Variants in CHRM3 observed in about 807,000 individuals in gnomAD.
The protein encoded by CHRM3 is cholinergic receptor muscarinic 3, also known as muscarinic acetylcholine receptor M3.
Under a neutral mutation model 41.8 loss-of-function variants are expected in CHRM3, and 11 were observed. That is an observed-to-expected ratio of 0.26 (90% CI 0.17 to 0.44). The LOEUF is 0.44. Among genes scored for constraint, CHRM3 ranks in the 20% least tolerant of loss-of-function variants. CHRM3 has a pLI of 1.00. For synonymous variants in CHRM3, 297 were observed against 301.4 expected (o/e 0.99, Z 0.15); for missense variants, 571 against 745.4 (o/e 0.77, Z 2.72).
At chr1:239,675,208 A>G (rs1657868027) in intron 4 of CHRM3, among the ~76,000 whole-genome samples, 1 of 152,216 alleles carries the variant, frequency 6.6e-6, no homozygotes, top group Admixed American at 6.5e-5. Context: ...AATGGGAAGT[A>G]CATTCAGAAT....
At chr1:239,714,200 A>G (rs535148548) in intron 5 of CHRM3, 1 of 152,308 alleles carries the variant, frequency 6.6e-6, no homozygotes, top group Non-Finnish European at 1.5e-5. Context: ...CCAGCATGCC[A>G]TGAGCTCCTG....
At chr1:239,499,962 A>G (rs971373818) in intron 2 of CHRM3, among the ~76,000 whole-genome samples, 1 of 152,192 alleles carries the variant, frequency 6.6e-6, no homozygotes, top group Non-Finnish European at 1.5e-5. Flanking sequence ...TCAAGCCACC[A>G]CTACAAGAAC....
At chr1:239,851,715 G>T (rs892055556) in intron 6 of CHRM3, among the ~76,000 whole-genome samples, 1 of 152,160 alleles carries the variant, frequency 6.6e-6, no homozygotes, top group African/African-American at 2.4e-5. Flanking sequence ...CAGTGGCCTA[G>T]AACTTAGTTT....
intron 5 of CHRM3, among the ~76,000 whole-genome samples, chr1:239,737,237 A>T (rs1261691328): frequency 6.6e-6 from 1 of 152,188 alleles, no homozygotes; most frequent in East Asian, 1.9e-4. Context: ...ATGACCAAAT[A>T]ACTTTTACAA....
chr1:239,571,601 G>A (rs1437091018), intron 3 of CHRM3, among the ~76,000 whole-genome samples: 1 of 152,164 alleles, frequency 6.6e-6, no homozygotes, highest in Non-Finnish European at 1.5e-5. Flanking sequence ...TTTTCTGGGA[G>A]TAACATTCCC....
chr1:239,585,052 AATATATAT>A (rs71567251), intron 3 of CHRM3, among the ~76,000 whole-genome samples: 1 of 144,800 alleles, frequency 6.9e-6, no homozygotes, highest in East Asian at 2.0e-4. Flanking sequence ...GCAACAATTA[AATATATAT>A]ATATATATAT....
At chr1:239,445,624 GTAGGAATGTGGTTAACGA>G (rs2103281493) in intron 1 of CHRM3, among the ~76,000 whole-genome samples, 1 of 152,270 alleles carries the variant, frequency 6.6e-6, no homozygotes, top group Non-Finnish European at 1.5e-5. Context: ...CAGGATTGTT[GTAGGAATGTGGTTAACGA>G]TAGAAAATTT....
intron 3 of CHRM3, among the ~76,000 whole-genome samples, chr1:239,573,029 G>A (rs1417219155): frequency 6.6e-6 from 1 of 151,988 alleles, no homozygotes; most frequent in South Asian, 2.1e-4. Flanking sequence ...GGGGTTCTTG[G>A]GCATTTGGAG....
chr1:239,615,781 C>T (rs902033626), intron 3 of CHRM3, among the ~76,000 whole-genome samples: 2 of 152,274 alleles, frequency 1.3e-5, no homozygotes, highest in Middle Eastern at 3.4e-3. Flanking sequence ...TTCCATGACT[C>T]GGACCCAAAA....
chr1:239,859,727 T>C (rs923046276), intron 6 of CHRM3, among the ~76,000 whole-genome samples: 6 of 151,100 alleles, frequency 4.0e-5, no homozygotes, highest in Non-Finnish European at 7.4e-5. Flanking sequence ...TACTGTTTTT[T>C]AAATAAAGAT....
intron 1 of CHRM3, among the ~76,000 whole-genome samples, chr1:239,473,670 T>G (rs1344707041): frequency 1.3e-5 from 2 of 152,122 alleles, no homozygotes; most frequent in African/African-American, 4.8e-5. Context: ...CTGTGGCGCC[T>G]TATTACTGTG....
At chr1:239,792,012 G>A (rs1669393916) in intron 5 of CHRM3, among the ~76,000 whole-genome samples, 2 of 152,202 alleles carry the variant, frequency 1.3e-5, no homozygotes, top group African/African-American at 4.8e-5. Context: ...CATTGAGAAG[G>A]AGACGCATTT....
intron 5 of CHRM3, among the ~76,000 whole-genome samples, chr1:239,772,922 C>T (rs1345533731): frequency 6.6e-6 from 1 of 152,160 alleles, no homozygotes; most frequent in Non-Finnish European, 1.5e-5. Flanking sequence ...CACTGTCAGA[C>T]TAAGTGTCTT....
At position 239,527,367 on chromosome 1, in the gene CHRM3, TAA is replaced by T. The variant is rs5782083; in HGVS notation, c.-421-18265_-421-18264del. 2.8e-4 allele frequency among the ~76,000 whole-genome samples: 42 copies of T among 151,132 alleles called. 1 individual carries two copies. The East Asian group carries it at 8.0e-3, about 29-fold the overall frequency. ...CATGTTTTATGAAAACTAGATTTCT[TAA>T]AAAAAAAATAATTGAGGCCCTTACA... is the stretch of plus-strand genomic sequence containing the variant. On this transcript the variant is annotated intron_variant, in intron 2 of 6. Transcript: ENST00000676153.
chr1:239,913,326 T>C lies in CHRM3; in HGVS notation c.*4102T>C, dbSNP rs1680466750. 6.0e-6 allele frequency: 1 copy of C among 166,298 alleles called. No individual in the cohort carries two copies. The highest frequency in any genetic ancestry group is 1.5e-5 in the Non-Finnish European group (1 of 68,104). 10.3% of individuals were successfully genotyped at this position (166,298 alleles called of 1,614,324 possible). On this transcript the variant is annotated 3_prime_UTR_variant, in exon 7 of 7. Transcript: ENST00000676153. ...ATTTCTCATAACAGAACTGAAACTG[T>C]ATAGATTACAACACTCCAAAGTTAT...
intron 6 of CHRM3, among the ~76,000 whole-genome samples, chr1:239,905,254 G>C (rs1487780178): frequency 2.0e-5 from 3 of 152,160 alleles, no homozygotes; most frequent in Non-Finnish European, 2.9e-5. Flanking sequence ...CTGGTGGAGA[G>C]GCAGCACAGC....
At chr1:239,830,743 A>G (rs1405472778) in intron 6 of CHRM3, among the ~76,000 whole-genome samples, 1 of 152,162 alleles carries the variant, frequency 6.6e-6, no homozygotes, top group Non-Finnish European at 1.5e-5. Flanking sequence ...AAATAAGACC[A>G]TTAATGGTGA....
intron 5 of CHRM3, among the ~76,000 whole-genome samples, chr1:239,744,509 A>G (rs955382519): frequency 1.3e-5 from 2 of 152,116 alleles, no homozygotes; most frequent in Admixed American, 1.3e-4. Context: ...GGGACCTTTC[A>G]GGTAAGGGAC....
rs189669509 is a variant in CHRM3, at chr1:239,435,135, A to G, written c.-521+47908A>G. 2.4e-3 allele frequency among the ~76,000 whole-genome samples: 359 copies of G among 152,340 alleles called. 1 individual carries two copies. Among genetic ancestry groups the G allele is most frequent in the African/African-American group, 8.2e-3 (340 of 41,590 alleles). ...TTAAAGAAACTACTTAGTAATGCTTAATGCTTTTAAGAGTGCAATAGAAAG... is the reference window on the plus strand; with the variant it reads ...TTAAAGAAACTACTTAGTAATGCTTGATGCTTTTAAGAGTGCAATAGAAAG... On this transcript the variant is annotated intron_variant, in intron 1 of 6. Transcript: ENST00000676153.
Sources: gnomAD v4.1 joint callset for allele counts (sites outside exome capture counted in the v4.1 genomes callset) on GRCh38, gnomAD v4.1.1 for gene constraint, MANE v1.5 for transcripts, NCBI Gene and HGNC (gene_info 2026-07-23, HGNC 2026-07-21) for gene names.